The following SGCZ variants were observed in gnomAD, a reference collection of about 807,000 sequenced individuals.
SGCZ encodes the protein sarcoglycan zeta.
A neutral mutation model predicts 41.3 loss-of-function variants in SGCZ; 40 were observed. The ratio of observed to expected loss-of-function variants is 0.97; its 90% CI spans 0.75 to 1.26. The LOEUF is 1.26. Among genes scored for constraint, SGCZ ranks in the 50% most tolerant of loss-of-function variants. SGCZ has a pLI of 0.00. For synonymous variants in SGCZ, 206 were observed against 137.5 expected (o/e 1.50, Z -3.49); for missense variants, 552 against 369.8 (o/e 1.49, Z -4.04).
intron 1 of SGCZ, among the ~76,000 whole-genome samples, chr8:15,078,533 C>T (rs992547329): frequency 1.3e-5 from 2 of 151,932 alleles, no homozygotes; most frequent in Admixed American, 1.3e-4. Flanking sequence ...GTGATATCTC[C>T]CAGATATACC....
chr8:14,453,064 T>C (rs941697875), intron 2 of SGCZ, among the ~76,000 whole-genome samples: 3 of 152,062 alleles, frequency 2.0e-5, no homozygotes, highest in Non-Finnish European at 4.4e-5. Flanking sequence ...GATGAGATGG[T>C]ACCACTGAAC....
intron 2 of SGCZ, among the ~76,000 whole-genome samples, chr8:14,461,842 C>T (rs998258754): frequency 2.0e-5 from 3 of 152,052 alleles, no homozygotes; most frequent in Non-Finnish European, 2.9e-5. Context: ...TTGCAGTACA[C>T]TCTAAGCTCT....
At chr8:14,906,212 C>T (rs982546090) in intron 1 of SGCZ, among the ~76,000 whole-genome samples, 19 of 152,154 alleles carry the variant, frequency 1.2e-4, no homozygotes, top group East Asian at 1.9e-4. Flanking sequence ...ATTTTGAAGA[C>T]GCTCCCTAGA....
At chr8:15,002,006 T>C (rs1481016110) in intron 1 of SGCZ, among the ~76,000 whole-genome samples, 2 of 151,960 alleles carry the variant, frequency 1.3e-5, no homozygotes. Context: ...GAGGAGGAAA[T>C]AGCACACATA....
intron 1 of SGCZ, among the ~76,000 whole-genome samples, chr8:14,825,784 T>C (rs1294764057): frequency 1.3e-5 from 2 of 152,174 alleles, no homozygotes; most frequent in Non-Finnish European, 2.9e-5. Flanking sequence ...ATTCCACATG[T>C]AAGTGAGATC....
intron 1 of SGCZ, among the ~76,000 whole-genome samples, chr8:14,644,879 C>A (rs1284511253): frequency 6.6e-6 from 1 of 151,190 alleles, no homozygotes; most frequent in East Asian, 2.0e-4. Flanking sequence ...GACCAGATTT[C>A]TTTCTCACTG....
chr8:14,794,579 C>A (rs894886864), intron 1 of SGCZ, among the ~76,000 whole-genome samples: 2 of 152,070 alleles, frequency 1.3e-5, no homozygotes, highest in African/African-American at 4.8e-5. Flanking sequence ...GGAAGTGCAA[C>A]ATTCATATAA....
At chr8:14,129,791 C>G (rs1802982802) in intron 5 of SGCZ, among the ~76,000 whole-genome samples, 1 of 151,736 alleles carries the variant, frequency 6.6e-6, no homozygotes, top group African/African-American at 2.4e-5. Flanking sequence ...AAAAGGTTAA[C>G]AGCCAAACCA....
At chr8:14,500,778 A>T (rs1158823295) in intron 2 of SGCZ, among the ~76,000 whole-genome samples, 1 of 152,082 alleles carries the variant, frequency 6.6e-6, no homozygotes, top group Admixed American at 6.6e-5. Context: ...TTAAAAATTA[A>T]CTAGACAGGA....
At chr8:14,172,353 CT>C (rs1804409337) in intron 4 of SGCZ, among the ~76,000 whole-genome samples, 1 of 152,098 alleles carries the variant, frequency 6.6e-6, no homozygotes, top group African/African-American at 2.4e-5. Flanking sequence ...ACTGCCTCAC[CT>C]TTCATTTGGA....
At chr8:14,348,691 A>G (rs533355046) in intron 2 of SGCZ, among the ~76,000 whole-genome samples, 66 of 152,278 alleles carry the variant, frequency 4.3e-4, no homozygotes, top group Non-Finnish European at 6.8e-4. Context: ...AAAGATATCT[A>G]ACACACATGA....
chr8:14,162,140 C>T (rs1353762478), intron 5 of SGCZ, among the ~76,000 whole-genome samples: 1 of 152,122 alleles, frequency 6.6e-6, no homozygotes, highest in African/African-American at 2.4e-5. Flanking sequence ...ATGAATGTGA[C>T]CATCTGCCTT....
intron 2 of SGCZ, among the ~76,000 whole-genome samples, chr8:14,433,356 T>C (rs188301324): frequency 1.3e-5 from 2 of 152,346 alleles, no homozygotes; most frequent in African/African-American, 2.4e-5. Flanking sequence ...ATACGGATAA[T>C]TAAGATACTT....
chr8:14,911,188 C>G (rs1244593558), intron 1 of SGCZ, among the ~76,000 whole-genome samples: 1 of 152,018 alleles, frequency 6.6e-6, no homozygotes, highest in Non-Finnish European at 1.5e-5. Context: ...TGTGGCAGGG[C>G]TGTAATTCAA....
At chr8:14,449,508 A>G (rs533334072) in intron 2 of SGCZ, among the ~76,000 whole-genome samples, 1 of 152,100 alleles carries the variant, frequency 6.6e-6, no homozygotes, top group Non-Finnish European at 1.5e-5. Flanking sequence ...TCATGTTCCA[A>G]TGTGTCCTCA....
At chr8:15,027,066 C>T (rs547065530) in intron 1 of SGCZ, among the ~76,000 whole-genome samples, 1 of 152,280 alleles carries the variant, frequency 6.6e-6, no homozygotes, top group South Asian at 2.1e-4. Flanking sequence ...TCTCAACTGC[C>T]TAACACATAC....
chr8:14,389,581 G>A (rs1211654077), intron 2 of SGCZ, among the ~76,000 whole-genome samples: 2 of 151,786 alleles, frequency 1.3e-5, no homozygotes, highest in African/African-American at 2.4e-5. Context: ...TCTAATCAGG[G>A]TGAAAAATAA....
At position 14,886,917 on chromosome 8, in the gene SGCZ, G is replaced by T. The variant is rs1804828346; in HGVS notation, c.40-331991C>A. ...GCATAATGACCTAGGGCAGAGTACT[G>T]CAGTGGAGGTGGGAGAAATTCTGAA... On this transcript the variant is annotated intron_variant, in intron 1 of 7. Transcript: ENST00000382080. Among the ~76,000 whole-genome samples, 3 of 152,238 alleles carry T rather than the reference G, an allele frequency of 2.0e-5. No individual in the cohort carries two copies. The East Asian group carries it at 5.8e-4, about 30-fold the overall frequency.
At chr8:14,781,949 A>G (rs1585255405) in intron 1 of SGCZ, among the ~76,000 whole-genome samples, 2 of 152,290 alleles carry the variant, frequency 1.3e-5, no homozygotes, top group East Asian at 3.9e-4. Flanking sequence ...TCTATTGACT[A>G]TGTATTACTT....
Sources: gnomAD v4.1 joint callset for allele counts (sites outside exome capture counted in the v4.1 genomes callset) on GRCh38, gnomAD v4.1.1 for gene constraint, MANE v1.5 for transcripts, NCBI Gene and HGNC (gene_info 2026-07-23, HGNC 2026-07-21) for gene names.